C7orf78: variants seen among roughly 807,000 people sequenced by gnomAD.
The protein encoded by C7orf78 is putative uncharacterized protein C7orf78.
At chr7:12,514,299 A>T in the C7orf78 span, among the ~76,000 whole-genome samples, 1 of 152,134 alleles carries the variant, frequency 6.6e-6, no homozygotes, top group East Asian at 1.9e-4. Flanking sequence ...ACCATTATAT[A>T]ACAATATTCT....
chr7:12,532,601 C>A, the C7orf78 span, among the ~76,000 whole-genome samples: 1 of 151,558 alleles, frequency 6.6e-6, no homozygotes, highest in Non-Finnish European at 1.5e-5. Context: ...CATACCCTAT[C>A]TGCCTGATTA....
At chr7:12,529,680 C>T in the C7orf78 span, among the ~76,000 whole-genome samples, 3 of 152,176 alleles carry the variant, frequency 2.0e-5, no homozygotes, top group African/African-American at 2.4e-5. Flanking sequence ...TGCAGGACAT[C>T]TCGAAGTTTG....
the C7orf78 span, among the ~76,000 whole-genome samples, chr7:12,501,267 A>G: frequency 6.8e-6 from 1 of 147,744 alleles, no homozygotes; most frequent in Admixed American, 6.7e-5. Flanking sequence ...AGGGTATTCA[A>G]TTAGGAAAAG....
At chr7:12,542,019 A>T in the C7orf78 span, 3 of 152,202 alleles carry the variant, frequency 2.0e-5, no homozygotes, top group Non-Finnish European at 4.4e-5. Flanking sequence ...AAGAAAACAA[A>T]TGACTTGAAA....
At chr7:12,515,990 G>A in the C7orf78 span, among the ~76,000 whole-genome samples, 2 of 152,186 alleles carry the variant, frequency 1.3e-5, no homozygotes, top group Non-Finnish European at 2.9e-5. Flanking sequence ...CATTTTCTGA[G>A]GAGAAATTCA....
the C7orf78 span, among the ~76,000 whole-genome samples, chr7:12,505,723 T>G: frequency 2.5e-3 from 384 of 152,312 alleles, no homozygotes; most frequent in Non-Finnish European, 4.4e-3. Flanking sequence ...ATTTCATAGC[T>G]TTGTATTTCT....
At chr7:12,525,945 T>C in the C7orf78 span, 1 of 396,102 alleles carries the variant, frequency 2.5e-6, no homozygotes, top group Non-Finnish European at 4.5e-6. Flanking sequence ...AAAAAAACTC[T>C]GCATTCCATA....
the C7orf78 span, among the ~76,000 whole-genome samples, chr7:12,504,044 T>C: frequency 6.6e-6 from 1 of 152,222 alleles, no homozygotes; most frequent in Non-Finnish European, 1.5e-5. Context: ...AAAATGTCCT[T>C]TGAAGAAATT....
At chr7:12,492,818 A>AG in the C7orf78 span, among the ~76,000 whole-genome samples, 1 of 152,242 alleles carries the variant, frequency 6.6e-6, no homozygotes, top group Non-Finnish European at 1.5e-5. Flanking sequence ...ATGTGAACTG[A>AG]TTCTGCTCTT....
At chr7:12,533,433 T>C in the C7orf78 span, among the ~76,000 whole-genome samples, 1 of 151,870 alleles carries the variant, frequency 6.6e-6, no homozygotes, top group Admixed American at 6.6e-5. Flanking sequence ...ACTCCTGACC[T>C]CAGGTGATCA....
chr7:12,535,059 A>G, the C7orf78 span, among the ~76,000 whole-genome samples: 1 of 152,162 alleles, frequency 6.6e-6, no homozygotes. Context: ...ATGACAAAAC[A>G]TGAAAATGTG....
the C7orf78 span, chr7:12,529,007 C>A: frequency 1.5e-5 from 6 of 398,350 alleles, no homozygotes; most frequent in Non-Finnish European, 2.7e-5. Flanking sequence ...CTAATTTTGA[C>A]GAAAGCCCCA....
the C7orf78 span, among the ~76,000 whole-genome samples, chr7:12,521,384 A>G: frequency 6.6e-6 from 1 of 150,964 alleles, no homozygotes; most frequent in African/African-American, 2.4e-5. Context: ...TTGTGTATCT[A>G]CTGTCATTTT....
At chr7:12,505,702 CTCA>C in the C7orf78 span, among the ~76,000 whole-genome samples, 7 of 151,932 alleles carry the variant, frequency 4.6e-5, no homozygotes, top group South Asian at 1.5e-3. Flanking sequence ...TCCTTAATTT[CTCA>C]GTCATATATT....
chr7:12,528,330 T>C, the C7orf78 span, among the ~76,000 whole-genome samples: 44 of 150,088 alleles, frequency 2.9e-4, no homozygotes, highest in Middle Eastern at 3.5e-3. Flanking sequence ...GAAAATGCCA[T>C]CTAGCTGTGT....
At chr7:12,486,368 T>C in the C7orf78 span, among the ~76,000 whole-genome samples, 20 of 151,980 alleles carry the variant, frequency 1.3e-4, no homozygotes, top group Non-Finnish European at 2.7e-4. Flanking sequence ...CCACACACTA[T>C]TCATTCAACA....
chr7:12,525,977 G>A, the C7orf78 span: 2 of 392,550 alleles, frequency 5.1e-6, no homozygotes, highest in African/African-American at 4.1e-5. Flanking sequence ...AAATTCATAG[G>A]CTTAAAACTA....
chr7:12,499,543 A>G, the C7orf78 span, among the ~76,000 whole-genome samples: 1 of 148,852 alleles, frequency 6.7e-6, no homozygotes, highest in African/African-American at 2.5e-5. Context: ...TCCTAAATAT[A>G]TATGCACCCA....
the C7orf78 span, among the ~76,000 whole-genome samples, chr7:12,539,899 A>G: frequency 2.6e-5 from 4 of 152,320 alleles, no homozygotes; most frequent in African/African-American, 4.8e-5. Context: ...TTAGGATGTC[A>G]TGATCTGGTG....
Sources: gnomAD v4.1 joint callset for allele counts (sites outside exome capture counted in the v4.1 genomes callset) on GRCh38, gnomAD v4.1.1 for gene constraint, MANE v1.5 for transcripts, NCBI Gene and HGNC (gene_info 2026-07-23, HGNC 2026-07-21) for gene names.